Variants in ZAR1L observed in about 807,000 individuals in gnomAD.
The protein encoded by ZAR1L is zygote arrest 1 like, also known as protein ZAR1-like.
Under a neutral mutation model 30.0 loss-of-function variants are expected in ZAR1L, and 16 were observed. That is an observed-to-expected ratio of 0.53 (90% CI 0.36 to 0.81). The LOEUF is 0.81. ZAR1L is among the 30% of genes least tolerant of loss of function. The pLI is 0.00. For synonymous variants in ZAR1L, 197 were observed against 166.8 expected (o/e 1.18, Z -1.40); for missense variants, 392 against 417.2 (o/e 0.94, Z 0.53).
At position 32,311,319 on chromosome 13, in the gene ZAR1L, C is replaced by T; in HGVS notation, c.607G>A (p.Val203Met). The T allele has an allele frequency of 6.4e-7, 1 of 1,550,626 alleles. No individual in the cohort carries two copies. Among genetic ancestry groups the T allele is most frequent in the Non-Finnish European group, 8.7e-7 (1 of 1,146,900 alleles). Residue 203 changes from valine to methionine, a missense_variant, in exon 3 of 6, where the codon GTG (valine) becomes ATG (methionine). Coordinates refer to ENST00000533490, the MANE Select transcript of ZAR1L (RefSeq NM_001136571.2). Reference protein sequence around the residue: ...PCPQETKSKQVPGDAASEPLR... With the variant: ...PCPQETKSKQMPGDAASEPLR... ...GGCTCGGAGGCGGCGTCTCCAGGCACCTGCTTGCTCTTCGTCTCCTGAGGG... is the reference window on the plus strand; with the variant it reads ...GGCTCGGAGGCGGCGTCTCCAGGCATCTGCTTGCTCTTCGTCTCCTGAGGG...
chr13:32,310,698 T>C lies in ZAR1L; in HGVS notation c.688A>G (p.Lys230Glu). 5 of 1,551,758 alleles carry C rather than the reference T, an allele frequency of 3.2e-6. No individual in the cohort carries two copies. The highest frequency in any genetic ancestry group is 4.4e-6 in the Non-Finnish European group (5 of 1,146,938). The change falls in exon 4 of 6, where the codon AAA becomes GAA. Residue 230 changes from lysine (K) to glutamate (E), a missense_variant. Physicochemically the swap from Lys to Glu is moderately conservative, Grantham distance 56 (BLOSUM62 1). Transcript: ENST00000533490. ...CTCTCCCACCTGGTCTTACAATCTT[T>C]ACAGTGGAAATAGCCATATTTTGGT... ...LEPKYGYFHC[K>E]DCKTRWESAY...
In ZAR1L at chr13:32,311,717, G is replaced by A. The variant is rs2072215258; in HGVS notation, c.209C>T (p.Ala70Val). The change falls in exon 3 of 6, where the codon GCC becomes GTC. Residue 70 changes from alanine to valine, a missense_variant. Coordinates refer to ENST00000533490, the MANE Select transcript of ZAR1L (RefSeq NM_001136571.2). ...IDPYKRAQLK[A>V]ILSQMNPSLS... ...GCTGGGGTTCATCTGGGAGAGAATGGCCTTAAGCTGCGCCCTCTTGTAAGG... is the reference window on the plus strand; with the variant it reads ...GCTGGGGTTCATCTGGGAGAGAATGACCTTAAGCTGCGCCCTCTTGTAAGG... 4.5e-6 allele frequency: 7 copies of A among 1,551,602 alleles called. No individual in the cohort carries two copies. Among genetic ancestry groups the A allele is most frequent in the African/African-American group, 4.1e-5 (3 of 73,054 alleles).
chr13:32,311,666 T>C lies in ZAR1L; in HGVS notation c.260A>G (p.Asn87Ser). 2 of 1,551,464 alleles carry C rather than the reference T, an allele frequency of 1.3e-6. No homozygotes were observed. The highest frequency in any genetic ancestry group is 2.4e-5 in the South Asian group (2 of 84,066). ...CACCTGCACGCCCACCTCCTTGGTG[T>C]TGGGCTTGCACAGCCGCGGGCTCAG... ...PSLSPRLCKP[N>S]TKEVGVQVSP... Residue 87 changes from asparagine to serine, a missense_variant, in exon 3 of 6, where the codon AAC becomes AGC. Asn to Ser is a conservative substitution (Grantham distance 46). Coordinates refer to ENST00000533490, the MANE Select transcript of ZAR1L (RefSeq NM_001136571.2).
Position 32,308,775 on chromosome 13 carries a change from G to GTT in ZAR1L, c.748-17_748-16dup, listed in dbSNP as rs34528008. The GTT allele has an allele frequency of 2.4e-3, 3,456 of 1,448,490 alleles. 6 individuals are homozygous for GTT. Among genetic ancestry groups the GTT allele is most frequent in the South Asian group, 9.0e-3 (723 of 80,312 alleles). 89.7% of individuals were successfully genotyped at this position (1,448,490 alleles called of 1,614,324 possible). A position where few individuals can be genotyped will look rare whatever the true frequency, so the allele number is the denominator to read the frequency against. ...TTGAAATAAACCTAAAGAGAAATAT[G>GTT]TTTTTTTTTAATACAAGCTTTTATA... On this transcript the variant is annotated splice_polypyrimidine_tract_variant and intron_variant, in intron 4 of 5. Transcript: ENST00000533490.
At chr13:32,310,554 C>T in intron 4 of ZAR1L, 85 bp downstream of exon 4, 2 of 923,388 alleles carry the variant, frequency 2.2e-6, no homozygotes, top group Non-Finnish European at 1.7e-6. Context: ...CTATGACAGC[C>T]ATGCTCCCTC....
intron 4 of ZAR1L, 57 bp from the exon 5 acceptor site, chr13:32,308,817 A>G (rs1198670585): frequency 8.4e-7 from 1 of 1,184,678 alleles, no homozygotes. Flanking sequence ...CACACCCTGC[A>G]AAGGCTCCCA....
intron 2 of ZAR1L, 45 bp from the exon 3 acceptor site, chr13:32,312,138 C>T (rs1369411507): frequency 1.1e-5 from 6 of 556,372 alleles, no homozygotes; most frequent in Non-Finnish European, 1.8e-5. Flanking sequence ...CTAATTGCCA[C>T]CTGATTCCTA....
chr13:32,311,677 C>T lies in ZAR1L; in HGVS notation c.249G>A (p.Leu83=). The change falls in exon 3 of 6, where the codon CTG becomes CTA. Residue 83 remains leucine (L), a synonymous_variant. Transcript: ENST00000533490. ...CCACCTCCTTGGTGTTGGGCTTGCACAGCCGCGGGCTCAGGCTGGGGTTCA... is the reference window on the plus strand; with the variant it reads ...CCACCTCCTTGGTGTTGGGCTTGCATAGCCGCGGGCTCAGGCTGGGGTTCA... The part of the protein sequence containing the change: ...SQMNPSLSPR[L]CKPNTKEVGV... The T allele has an allele frequency of 6.4e-7, 1 of 1,551,618 alleles. No homozygotes were observed. Among genetic ancestry groups the T allele is most frequent in the East Asian group, 2.4e-5 (1 of 40,926 alleles).
chr13:32,311,025 A>G (rs534364951), intron 3 of ZAR1L, among the ~76,000 whole-genome samples: 1 of 152,266 alleles, frequency 6.6e-6, no homozygotes, highest in African/African-American at 2.4e-5. Context: ...CTTCGTCTCC[A>G]AATTCTCCAA....
At chr13:32,313,914 A>T (rs571093776) in intron 2 of ZAR1L, among the ~76,000 whole-genome samples, 1 of 152,166 alleles carries the variant, frequency 6.6e-6, no homozygotes, top group African/African-American at 2.4e-5. Flanking sequence ...CTAGTGAGAC[A>T]CCCCTCCCCC....
intron 2 of ZAR1L, among the ~76,000 whole-genome samples, chr13:32,312,813 G>A (rs577017463): frequency 2.0e-5 from 3 of 152,104 alleles, no homozygotes; most frequent in Non-Finnish European, 4.4e-5. Context: ...GGGAGGCAAA[G>A]GTTGCAGTGA....
At chr13:32,312,148 A>C in intron 2 of ZAR1L, 55 bp from the exon 3 acceptor site, 1 of 532,728 alleles carries the variant, frequency 1.9e-6, no homozygotes, top group Non-Finnish European at 3.2e-6. Flanking sequence ...CCTGATTCCT[A>C]CCTAATTGCT....
At chr13:32,309,873 G>C (rs1044282156) in intron 4 of ZAR1L, among the ~76,000 whole-genome samples, 2 of 152,262 alleles carry the variant, frequency 1.3e-5, no homozygotes, top group Admixed American at 6.5e-5. Context: ...TAAATGGCTA[G>C]TGTGAGAAAT....
chr13:32,311,427 G>C lies in ZAR1L; in HGVS notation c.499C>G (p.Gln167Glu). 1 of 1,549,292 alleles carries C rather than the reference G, an allele frequency of 6.5e-7. No individual in the cohort carries two copies. Among genetic ancestry groups the C allele is most frequent in the Non-Finnish European group, 8.7e-7 (1 of 1,146,904 alleles). Reference protein sequence around the residue: ...LPGPAEASQPQPPSRRSGADR... With the variant: ...LPGPAEASQPEPPSRRSGADR... ...GCTCCTGACCTCCGTGATGGTGGCT[G>C]CGGCTGGCTGGCCTCCGCAGGGCCC... The change falls in exon 3 of 6, where the codon CAG (glutamine) becomes GAG (glutamate). Residue 167 changes from glutamine to glutamate, a missense_variant. Physicochemically the swap from Gln to Glu is conservative, Grantham distance 29. Transcript: ENST00000533490.
At chr13:32,313,273 C>G (rs1465092045) in intron 2 of ZAR1L, among the ~76,000 whole-genome samples, 1 of 152,204 alleles carries the variant, frequency 6.6e-6, no homozygotes, top group African/African-American at 2.4e-5. Flanking sequence ...ATGTTAATTG[C>G]TTGACTATAG....
intron 1 of ZAR1L, among the ~76,000 whole-genome samples, 160 bp from the exon 2 acceptor site, chr13:32,314,710 T>A (rs185150402): frequency 3.3e-5 from 5 of 151,740 alleles, no homozygotes; most frequent in South Asian, 4.2e-4. Context: ...AAGTTAGCCG[T>A]GCGTGGTGGC....
chr13:32,308,200 C>T (rs186017430), intron 5 of ZAR1L, among the ~76,000 whole-genome samples: 1 of 152,252 alleles, frequency 6.6e-6, no homozygotes, highest in Non-Finnish European at 1.5e-5. Context: ...AGGATCTCAC[C>T]TAGTTCTGTG....
At chr13:32,307,498 C>CAAAAAAAAA in intron 5 of ZAR1L, among the ~76,000 whole-genome samples, 1 of 15,384 alleles carries the variant, frequency 6.5e-5, no homozygotes, top group Non-Finnish European at 1.1e-4. Flanking sequence ...GAGTCTGTCT[C>CAAAAAAAAA]AAAAAAAAAA....
chr13:32,312,803 G>A (rs74406670), intron 2 of ZAR1L, among the ~76,000 whole-genome samples: 6 of 151,896 alleles, frequency 4.0e-5, no homozygotes, highest in African/African-American at 1.2e-4. Context: ...ACCTGAACCC[G>A]GGAGGCAAAG....
Sources: allele counts gnomAD v4.1 joint callset (sites outside exome capture counted in the v4.1 genomes callset), GRCh38; gene constraint gnomAD v4.1.1; transcripts MANE v1.5; gene names NCBI Gene and HGNC (gene_info 2026-07-23, HGNC 2026-07-21).